MYO1H: variants seen among roughly 807,000 people sequenced by gnomAD.
MYO1H encodes myosin IH, also known as unconventional myosin-Ih.
In MYO1H, 118 loss-of-function variants were observed where a neutral mutation model predicts 149.3. The ratio of observed to expected loss-of-function variants is 0.79; its 90% CI spans 0.68 to 0.92. The LOEUF is 0.92. MYO1H is among the 40% of genes least tolerant of loss of function. The pLI, the probability that MYO1H is intolerant of heterozygous loss-of-function variation, is 0.00. For missense variants in MYO1H, 1,212 were observed against 1,280.7 expected, an observed-to-expected ratio of 0.95 and a Z score of 0.82; for synonymous variants, 447 against 465.2, an observed-to-expected ratio of 0.96 and a Z score of 0.50.
intron 24 of MYO1H, among the ~76,000 whole-genome samples, chr12:109,440,317 C>T (rs567745563): frequency 2.6e-5 from 4 of 152,060 alleles, no homozygotes; most frequent in Admixed American, 6.5e-5. Context: ...ATTACAGGTG[C>T]GAGTCACCGT....
At chr12:109,314,191 ACTTTTTTT>A in the MYO1H span, among the ~76,000 whole-genome samples, 29 of 148,416 alleles carry the variant, frequency 2.0e-4, no homozygotes, top group Non-Finnish European at 3.9e-4. Context: ...GGCCTTTTTT[ACTTTTTTT>A]CTTTTTTCTT....
At chr12:109,441,178 G>C (rs1009691213) in intron 25 of MYO1H, among the ~76,000 whole-genome samples, 2 of 152,196 alleles carry the variant, frequency 1.3e-5, no homozygotes, top group Non-Finnish European at 2.9e-5. Flanking sequence ...ACTATTTCAG[G>C]GTTTGTGGCC....
Position 109,424,838 on chromosome 12 carries a change from A to G in MYO1H, c.1725+10A>G, listed in dbSNP as rs777995879. ...GAGGAGGCCCCCAACAGTGAGTGGG[A>G]AAAACACCCATGCAAAATTGGATCT... On this transcript the variant is annotated intron_variant, in intron 17 of 31. Coordinates refer to ENST00000310903, the Ensembl canonical transcript of MYO1H. The G allele has an allele frequency of 5.3e-5, 86 of 1,611,054 alleles. No individual in the cohort carries two copies. Among genetic ancestry groups the G allele is most frequent in the Non-Finnish European group, 6.8e-5 (80 of 1,177,654 alleles).
chr12:109,324,834 A>T, the MYO1H span, among the ~76,000 whole-genome samples: 1 of 152,070 alleles, frequency 6.6e-6, no homozygotes, highest in Non-Finnish European at 1.5e-5. Flanking sequence ...TAAGCCCTGC[A>T]TGCATTAGAT....
chr12:109,345,333 A>T (rs1439767878), upstream of MYO1H, among the ~76,000 whole-genome samples: 1 of 152,208 alleles, frequency 6.6e-6, no homozygotes, highest in Non-Finnish European at 1.5e-5. Context: ...AGGTATAGAA[A>T]TGGCAAATAC....
chr12:109,417,847 G>T (rs998089084), intron 15 of MYO1H, among the ~76,000 whole-genome samples: 4 of 151,458 alleles, frequency 2.6e-5, no homozygotes, highest in African/African-American at 9.7e-5. Flanking sequence ...ACGGAGTCTC[G>T]CTCTGTCGCC....
chr12:109,326,237 C>T, the MYO1H span, among the ~76,000 whole-genome samples: 1 of 152,110 alleles, frequency 6.6e-6, no homozygotes, highest in African/African-American at 2.4e-5. Context: ...TTGCCCAGGG[C>T]CCCAGAAGTT....
At chr12:109,439,861 C>A in intron 24 of MYO1H, 71 bp downstream of exon 24, 1 of 1,376,498 alleles carries the variant, frequency 7.3e-7, no homozygotes, top group Non-Finnish European at 1.0e-6. Flanking sequence ...TCTTGCATGT[C>A]TTTGTGCTGC....
At chr12:109,329,871 C>T in the MYO1H span, among the ~76,000 whole-genome samples, 2 of 152,160 alleles carry the variant, frequency 1.3e-5, no homozygotes, top group Non-Finnish European at 2.9e-5. Context: ...TAGAATTCCA[C>T]GTTGTGATCA....
chr12:109,406,897 C>CTG, intron 9 of MYO1H, 37 bp downstream of exon 9: 1 of 1,578,432 alleles, frequency 6.3e-7, no homozygotes, highest in Non-Finnish European at 8.7e-7. Context: ...GCCAGCCCTC[C>CTG]CTGCTGCTGC....
chr12:109,436,747 G>GT (rs1369068187), intron 22 of MYO1H, among the ~76,000 whole-genome samples, 191 bp downstream of exon 22: 1 of 151,920 alleles, frequency 6.6e-6, no homozygotes, highest in African/African-American at 2.4e-5. Context: ...GCCTGTATGT[G>GT]TTCCACAGGC....
At chr12:109,374,246 TAAAAAG>T (rs1592782853) in intron 1 of MYO1H, among the ~76,000 whole-genome samples, 1 of 152,176 alleles carries the variant, frequency 6.6e-6, no homozygotes, top group African/African-American at 2.4e-5. Flanking sequence ...TGGAGTGTGT[TAAAAAG>T]AATATGGATT....
intron 1 of MYO1H, among the ~76,000 whole-genome samples, chr12:109,377,814 A>G (rs1869114470): frequency 6.6e-6 from 1 of 152,242 alleles, no homozygotes; most frequent in Non-Finnish European, 1.5e-5. Flanking sequence ...GTATAAAAGT[A>G]GAAAGAATAG....
chr12:109,359,297 G>T, intron 1 of MYO1H: 1 of 152,158 alleles, frequency 6.6e-6, no homozygotes, highest in East Asian at 1.9e-4. Flanking sequence ...AAGCAAAGTA[G>T]CAGAGGAGAG....
intron 30 of MYO1H, 183 bp from the exon 31 acceptor site, chr12:109,445,330 G>A (rs965240185): frequency 1.8e-6 from 1 of 554,482 alleles, no homozygotes. Context: ...ACAGAAACAT[G>A]TAAGTTGCCC....
chr12:109,401,332 C>G, intron 6 of MYO1H, 60 bp downstream of exon 6: 2 of 1,503,506 alleles, frequency 1.3e-6, no homozygotes, highest in Non-Finnish European at 1.8e-6. Flanking sequence ...AGAGATGTTT[C>G]TACGTGCTGC....
chr12:109,346,908 G>T (rs538098270), upstream of MYO1H, among the ~76,000 whole-genome samples: 241 of 152,176 alleles, frequency 1.6e-3, 2 homozygotes, highest in African/African-American at 5.6e-3. Context: ...TTACAAAAAT[G>T]GAATCATTTC....
At chr12:109,410,065 A>G (rs1031095079) in exon 12 of MYO1H, 5 of 1,471,484 alleles carry the variant, frequency 3.4e-6, no homozygotes, top group Non-Finnish European at 3.6e-6. Context: ...TGGAAGGCAT[A>G]GAGGTAAACA....
chr12:109,410,841 C>A, intron 13 of MYO1H, 73 bp downstream of exon 13: 2 of 1,087,536 alleles, frequency 1.8e-6, no homozygotes, highest in Non-Finnish European at 2.7e-6. Flanking sequence ...TTTTCCCAGG[C>A]TTAAAAAGGG....
Sources: allele counts gnomAD v4.1 joint callset (sites outside exome capture counted in the v4.1 genomes callset), GRCh38; gene constraint gnomAD v4.1.1; transcripts MANE v1.5; gene names NCBI Gene and HGNC (gene_info 2026-07-23, HGNC 2026-07-21).